PRIMPOL: variants seen among roughly 807,000 people sequenced by gnomAD.
PRIMPOL encodes primase and DNA directed polymerase, also known as DNA-directed primase/polymerase protein.
Under a neutral mutation model 63.6 loss-of-function variants are expected in PRIMPOL, and 54 were observed. That is an observed-to-expected ratio of 0.85 (90% CI 0.68 to 1.07). The LOEUF is 1.07. PRIMPOL is among the 50% of genes least tolerant of loss of function. The pLI is 0.00. For missense variants in PRIMPOL, 610 were observed against 648.3 expected (o/e 0.94, Z 0.64); for synonymous variants, 197 against 220.2 (o/e 0.89, Z 0.93).
At chr4:184,690,174 A>AT (rs1758114592) in intron 11 of PRIMPOL, among the ~76,000 whole-genome samples, 1 of 152,130 alleles carries the variant, frequency 6.6e-6, no homozygotes, top group East Asian at 1.9e-4. Flanking sequence ...ATCTTTAAGA[A>AT]TTTTAGTGAT....
At chr4:184,679,499 A>T (rs1755025089) in intron 8 of PRIMPOL, among the ~76,000 whole-genome samples, 1 of 152,228 alleles carries the variant, frequency 6.6e-6, no homozygotes. Flanking sequence ...AATCTGTGAA[A>T]GTCATCTTTC....
chr4:184,681,735 C>T (rs1435946606), intron 8 of PRIMPOL, among the ~76,000 whole-genome samples: 1 of 151,954 alleles, frequency 6.6e-6, no homozygotes, highest in Non-Finnish European at 1.5e-5. Flanking sequence ...CCACCATGCC[C>T]AGCTAATTTT....
intron 2 of PRIMPOL, among the ~76,000 whole-genome samples, chr4:184,655,636 TA>T (rs1270873786): frequency 6.6e-6 from 1 of 152,100 alleles, no homozygotes; most frequent in Non-Finnish European, 1.5e-5. Flanking sequence ...CTTAATCTTT[TA>T]GGGAGATTCT....
chr4:184,691,281 G>GTTGA, intron 11 of PRIMPOL: 1 of 467,596 alleles, frequency 2.1e-6, no homozygotes, highest in South Asian at 3.9e-5. Flanking sequence ...TCTTCCTGGG[G>GTTGA]GAACTTTCAT....
chr4:184,691,642 A>T, intron 12 of PRIMPOL, 24 bp from the exon 13 acceptor site: 1 of 1,607,006 alleles, frequency 6.2e-7, no homozygotes. Context: ...AATATGTAAT[A>T]GTTTTGCTAT....
At position 184,678,399 on chromosome 4, in the gene PRIMPOL, G is replaced by T; in HGVS notation, c.1007+5G>T. 1 of 1,591,608 alleles carries T rather than the reference G, an allele frequency of 6.3e-7. No homozygotes were observed. Among genetic ancestry groups the T allele is most frequent in the South Asian group, 1.2e-5 (1 of 86,598 alleles). ...TTCTTTGGTCAGCAATGTCAGGTAT[G>T]TAGTAGCAGCATCAAACCATTTTGT... On this transcript the variant is annotated splice_donor_5th_base_variant and intron_variant, in intron 8 of 13. Transcript: ENST00000314970.
Position 184,672,478 on chromosome 4 carries a change from C to T in PRIMPOL, c.844+18C>T. The T allele has an allele frequency of 4.5e-6, 7 of 1,548,882 alleles. No individual in the cohort carries two copies. Among genetic ancestry groups the T allele is most frequent in the Non-Finnish European group, 6.1e-6 (7 of 1,150,438 alleles). On this transcript the variant is annotated intron_variant, in intron 7 of 13. Transcript: ENST00000314970. The stretch of plus-strand genomic sequence containing the variant: ...AGATCTCGGTAAGTAAGATTGACAG[C>T]TTTCTCCATCAGACCGCCCTGGTGC...
intron 8 of PRIMPOL, 131 bp downstream of exon 8, chr4:184,678,525 CTTTTTTTT>C: frequency 2.4e-5 from 8 of 338,482 alleles, no homozygotes; most frequent in East Asian, 7.0e-5. Context: ...TCTTACAGCT[CTTTTTTTT>C]TTTTTTTTTT....
Position 184,685,663 on chromosome 4 carries a change from C to T in PRIMPOL, c.1274C>T (p.Ala425Val). The T allele has an allele frequency of 3.2e-6, 5 of 1,540,972 alleles. No homozygotes were observed. Among genetic ancestry groups the T allele is most frequent in the Non-Finnish European group, 4.5e-6 (5 of 1,114,868 alleles). Residue 425 changes from alanine to valine, a missense_variant, in exon 11 of 14, where the codon GCC becomes GTC. Physicochemically the swap from Ala to Val is moderately conservative, Grantham distance 64 (BLOSUM62 0). Transcript: ENST00000314970. ...KYRWCENIGRAHKSNNIMILV... is the reference protein window; with the variant it reads ...KYRWCENIGRVHKSNNIMILV... ...CGGTGGTGTGAAAACATTGGAAGAG[C>T]CCATAAGAGTAATAATATAATGTAA... is the stretch of plus-strand genomic sequence containing the variant.
intron 8 of PRIMPOL, among the ~76,000 whole-genome samples, chr4:184,681,025 C>T (rs543254983): frequency 6.6e-6 from 1 of 152,256 alleles, no homozygotes; most frequent in East Asian, 1.9e-4. Context: ...GGTAATCTCC[C>T]GATTACCCAA....
At chr4:184,672,508 G>A (rs752019453) in intron 7 of PRIMPOL, 48 bp downstream of exon 7, 11 of 1,534,692 alleles carry the variant, frequency 7.2e-6, no homozygotes, top group Admixed American at 2.0e-5. Context: ...TGGTGCTTTC[G>A]TGAGAGACGG....
intron 2 of PRIMPOL, among the ~76,000 whole-genome samples, chr4:184,653,869 A>G (rs187283867): frequency 6.6e-6 from 1 of 152,370 alleles, no homozygotes; most frequent in Admixed American, 6.5e-5. Flanking sequence ...CCAGAATGCC[A>G]GATGCCTTAC....
intron 8 of PRIMPOL, among the ~76,000 whole-genome samples, chr4:184,679,892 C>T (rs1442099387): frequency 2.6e-5 from 4 of 152,144 alleles, no homozygotes; most frequent in African/African-American, 9.7e-5. Context: ...CTTGCCCCTG[C>T]CCCACCCATG....
chr4:184,677,384 C>T (rs1212607920), intron 7 of PRIMPOL, among the ~76,000 whole-genome samples: 1 of 152,170 alleles, frequency 6.6e-6, no homozygotes, highest in Non-Finnish European at 1.5e-5. Context: ...GTTGAAATGA[C>T]TGTCCTTAAC....
intron 9 of PRIMPOL, among the ~76,000 whole-genome samples, chr4:184,682,879 A>G (rs1321135441): frequency 6.7e-6 from 1 of 148,568 alleles, no homozygotes; most frequent in Non-Finnish European, 1.5e-5. Flanking sequence ...GCAAAACCCT[A>G]TCTCTACAAA....
At chr4:184,673,457 G>A (rs1268242483) in intron 7 of PRIMPOL, among the ~76,000 whole-genome samples, 7 of 118,040 alleles carry the variant, frequency 5.9e-5, no homozygotes, top group South Asian at 2.7e-4. Context: ...ATGGAGTCTC[G>A]CTCTGTCACC....
intron 6 of PRIMPOL, among the ~76,000 whole-genome samples, chr4:184,670,776 T>G (rs55991451): frequency 0.13 from 19,860 of 152,022 alleles, 1,387 homozygotes; most frequent in Middle Eastern, 0.17. Flanking sequence ...TCAAACTCCT[T>G]ACCTCAAGTG....
At chr4:184,681,676 G>A (rs963061043) in intron 8 of PRIMPOL, among the ~76,000 whole-genome samples, 19 of 152,106 alleles carry the variant, frequency 1.2e-4, no homozygotes, top group African/African-American at 4.6e-4. Flanking sequence ...CTGGGTTCAA[G>A]CAGTTCTTCT....
At chr4:184,664,949 C>T (rs1749431845) in intron 5 of PRIMPOL, among the ~76,000 whole-genome samples, 2 of 152,118 alleles carry the variant, frequency 1.3e-5, no homozygotes, top group Non-Finnish European at 2.9e-5. Context: ...AAGAGTAAAG[C>T]CAGAGGGCAT....
Sources: allele counts gnomAD v4.1 joint callset (sites outside exome capture counted in the v4.1 genomes callset), GRCh38; gene constraint gnomAD v4.1.1; transcripts MANE v1.5; gene names NCBI Gene and HGNC (gene_info 2026-07-23, HGNC 2026-07-21).